HDAC9: variants seen among roughly 807,000 people sequenced by gnomAD.
HDAC9 encodes MEF-2 interacting transcription repressor (MITR) protein.
In HDAC9, 41 loss-of-function variants were observed where a neutral mutation model predicts 139.4. The observed-to-expected ratio is 0.29, with a 90% CI of 0.23 to 0.38. The LOEUF (loss-of-function observed/expected upper bound fraction) is 0.38, where lower values mean the gene tolerates loss of function less well. Ranked by LOEUF, HDAC9 falls within the 10% of genes least tolerant of loss-of-function variation. The pLI is 1.00. For missense variants in HDAC9, 1,147 were observed against 1,297.0 expected (o/e 0.88, Z 1.78); for synonymous variants, 517 against 476.2 (o/e 1.09, Z -1.12).
intron 25 of HDAC9, among the ~76,000 whole-genome samples, chr7:18,989,294 A>G (rs1785654511): frequency 1.3e-5 from 2 of 151,286 alleles, no homozygotes; most frequent in Non-Finnish European, 2.9e-5. Flanking sequence ...GCTTGTCTGT[A>G]AAGTATTTAA....
At chr7:18,959,150 CTT>C (rs1459914621) in intron 24 of HDAC9, among the ~76,000 whole-genome samples, 2 of 152,156 alleles carry the variant, frequency 1.3e-5, no homozygotes, top group Non-Finnish European at 2.9e-5. Flanking sequence ...AAACACCACT[CTT>C]TATACCAGTG....
chr7:18,413,281 A>G (rs1188601748), intron 1 of HDAC9, among the ~76,000 whole-genome samples: 1 of 152,202 alleles, frequency 6.6e-6, no homozygotes, highest in East Asian at 1.9e-4. Context: ...AGGAAAGAGT[A>G]TGTGATAAGT....
intron 21 of HDAC9, among the ~76,000 whole-genome samples, chr7:18,869,164 G>A (rs1798722533): frequency 6.6e-6 from 1 of 151,290 alleles, no homozygotes; most frequent in Non-Finnish European, 1.5e-5. Flanking sequence ...GTGTGTGTGT[G>A]TGTGTGTGTG....
chr7:18,539,103 T>A (rs1303624242), intron 2 of HDAC9, among the ~76,000 whole-genome samples: 1 of 152,190 alleles, frequency 6.6e-6, no homozygotes, highest in Non-Finnish European at 1.5e-5. Context: ...CATATGAATT[T>A]GGAGATTAAA....
At chr7:18,574,740 A>C (rs999014405) in intron 2 of HDAC9, among the ~76,000 whole-genome samples, 2 of 152,232 alleles carry the variant, frequency 1.3e-5, no homozygotes, top group Non-Finnish European at 2.9e-5. Flanking sequence ...TGCTGCCCTG[A>C]GCATGCACAT....
At chr7:18,509,548 C>G in intron 2 of HDAC9, 1 of 685,876 alleles carries the variant, frequency 1.5e-6, no homozygotes, top group Non-Finnish European at 1.8e-6. Context: ...GCTTGTTTAT[C>G]TGTTTTTGTT....
At chr7:18,720,508 T>G (rs1785059289) in intron 12 of HDAC9, among the ~76,000 whole-genome samples, 1 of 151,906 alleles carries the variant, frequency 6.6e-6, no homozygotes, top group South Asian at 2.1e-4. Flanking sequence ...AAAATATACT[T>G]AATTATACAT....
At chr7:18,215,640 G>T (rs1792254108) in intron 2 of HDAC9, among the ~76,000 whole-genome samples, 1 of 152,258 alleles carries the variant, frequency 6.6e-6, no homozygotes, top group South Asian at 2.1e-4. Context: ...CACCAAAAGG[G>T]GGCACTGCTC....
chr7:18,197,904 G>A (rs998645474), intron 2 of HDAC9, among the ~76,000 whole-genome samples: 4 of 152,124 alleles, frequency 2.6e-5, no homozygotes, highest in Non-Finnish European at 5.9e-5. Context: ...TAGATATAGA[G>A]ACTGAGGTTT....
At chr7:18,295,387 G>C (rs1798078766) in intron 1 of HDAC9, among the ~76,000 whole-genome samples, 1 of 152,114 alleles carries the variant, frequency 6.6e-6, no homozygotes, top group Non-Finnish European at 1.5e-5. Flanking sequence ...GTATCATGGA[G>C]CTCATTGACA....
intron 24 of HDAC9, among the ~76,000 whole-genome samples, chr7:18,971,575 G>A (rs574491051): frequency 8.6e-4 from 131 of 152,316 alleles, no homozygotes; most frequent in African/African-American, 2.9e-3. Flanking sequence ...AAATTATGGG[G>A]TTTGAATTGT....
At chr7:18,201,846 A>G (rs1791153081) in intron 2 of HDAC9, among the ~76,000 whole-genome samples, 1 of 152,252 alleles carries the variant, frequency 6.6e-6, no homozygotes, top group African/African-American at 2.4e-5. Flanking sequence ...AAGCAAAGGT[A>G]GCAAAATCAG....
At chr7:18,882,476 G>A (rs981264533) in intron 22 of HDAC9, among the ~76,000 whole-genome samples, 1 of 151,700 alleles carries the variant, frequency 6.6e-6, no homozygotes, top group Non-Finnish European at 1.5e-5. Flanking sequence ...TCTCTGCTCA[G>A]AAAACCAGGA....
chr7:18,821,845 T>C (rs1289632110), intron 17 of HDAC9, among the ~76,000 whole-genome samples: 2 of 152,284 alleles, frequency 1.3e-5, no homozygotes, highest in East Asian at 3.9e-4. Flanking sequence ...TACAACCCCC[T>C]CTTTGTGTTT....
At chr7:18,102,117 C>A (rs1782894230) in intron 1 of HDAC9, among the ~76,000 whole-genome samples, 1 of 152,140 alleles carries the variant, frequency 6.6e-6, no homozygotes, top group Non-Finnish European at 1.5e-5. Context: ...AAATATACTA[C>A]TGTGAACTAA....
At chr7:18,119,599 T>C (rs1221828123) in intron 1 of HDAC9, among the ~76,000 whole-genome samples, 1 of 152,228 alleles carries the variant, frequency 6.6e-6, no homozygotes, top group African/African-American at 2.4e-5. Context: ...GCTTAGCCAG[T>C]TGATCAGAGG....
At chr7:18,668,156 T>A in intron 12 of HDAC9, 1 of 859,220 alleles carries the variant, frequency 1.2e-6, no homozygotes, top group Non-Finnish European at 1.4e-6. Flanking sequence ...TATCCTTTTT[T>A]AAAAAGTCTC....
upstream of HDAC9, among the ~76,000 whole-genome samples, chr7:18,287,963 C>G (rs1186033108): frequency 6.6e-6 from 1 of 152,130 alleles, no homozygotes; most frequent in East Asian, 1.9e-4. Context: ...ATTATTTGAG[C>G]CTGGAAACAA....
chr7:18,605,921 CT>C (rs1835360905), intron 6 of HDAC9, among the ~76,000 whole-genome samples: 1 of 152,136 alleles, frequency 6.6e-6, no homozygotes, highest in Non-Finnish European at 1.5e-5. Context: ...ACCTTGTGAT[CT>C]GCCCACCTCG....
Sources: allele counts gnomAD v4.1 joint callset (sites outside exome capture counted in the v4.1 genomes callset), GRCh38; gene constraint gnomAD v4.1.1; transcripts MANE v1.5; gene names NCBI Gene and HGNC (gene_info 2026-07-23, HGNC 2026-07-21).